The following ITFG1 variants were observed in gnomAD, a reference collection of about 807,000 sequenced individuals.
ITFG1 encodes the protein integrin alpha FG-GAP repeat containing 1, also known as T-cell immunomodulatory protein.
Under a neutral mutation model 81.8 loss-of-function variants are expected in ITFG1, and 34 were observed. The observed-to-expected ratio is 0.42, with a 90% CI of 0.32 to 0.55. The LOEUF is 0.55. Among genes scored for constraint, ITFG1 ranks in the 20% least tolerant of loss-of-function variants. ITFG1 has a pLI of 0.17. For synonymous variants in ITFG1, 285 were observed against 270.6 expected (o/e 1.05, Z -0.52); for missense variants, 672 against 755.4 (o/e 0.89, Z 1.29).
chr16:47,181,458 G>T (rs1452831094), intron 14 of ITFG1, among the ~76,000 whole-genome samples: 1 of 145,496 alleles, frequency 6.9e-6, no homozygotes, highest in South Asian at 2.2e-4. Flanking sequence ...GGTGGGGGGG[G>T]TCAGCCCCCC....
At chr16:47,431,354 A>G (rs1480720239) in intron 5 of ITFG1, among the ~76,000 whole-genome samples, 2 of 152,124 alleles carry the variant, frequency 1.3e-5, no homozygotes, top group Admixed American at 6.5e-5. Context: ...TTCTCAAAGG[A>G]CTGCGAACCC....
intron 6 of ITFG1, among the ~76,000 whole-genome samples, chr16:47,403,381 G>C (rs1968687144): frequency 6.6e-6 from 1 of 151,892 alleles, no homozygotes; most frequent in African/African-American, 2.4e-5. Flanking sequence ...AAGTGTCCTG[G>C]ACTCTTCAAA....
chr16:47,366,005 C>A (rs1177180858), intron 7 of ITFG1, 136 bp from the exon 8 acceptor site: 3 of 533,180 alleles, frequency 5.6e-6, no homozygotes, highest in East Asian at 5.7e-5. Context: ...TTATTCCAAT[C>A]TCCTGTTTCA....
chr16:47,348,717 A>G (rs1967899594), intron 8 of ITFG1, among the ~76,000 whole-genome samples: 1 of 152,156 alleles, frequency 6.6e-6, no homozygotes, highest in Non-Finnish European at 1.5e-5. Context: ...GAACACCACA[A>G]AGATACTCCT....
chr16:47,440,068 A>G (rs1042951486), intron 5 of ITFG1, among the ~76,000 whole-genome samples: 2 of 152,168 alleles, frequency 1.3e-5, no homozygotes, highest in Admixed American at 6.5e-5. Context: ...TTAAACCAAC[A>G]AAGATCAAAA....
At chr16:47,290,059 T>C (rs1029873946) in intron 10 of ITFG1, among the ~76,000 whole-genome samples, 2 of 152,208 alleles carry the variant, frequency 1.3e-5, no homozygotes, top group African/African-American at 2.4e-5. Flanking sequence ...AGATACCTTC[T>C]TCATCTCTTC....
At position 47,313,764 on chromosome 16, in the gene ITFG1, T is replaced by G; in HGVS notation, c.862A>C (p.Ser288Arg). The change falls in exon 9 of 18, where the codon AGT becomes CGT. Residue 288 changes from serine (S) to arginine (R), a missense_variant. Coordinates refer to ENST00000320640, the MANE Select transcript of ITFG1 (RefSeq NM_030790.5). Reference protein sequence around the residue: ...PGCEDKNCQKSTIYLVRSGMK... With the variant: ...PGCEDKNCQKRTIYLVRSGMK... The stretch of plus-strand genomic sequence containing the variant: ...CCAGATCTCACTAAGTAGATGGTAC[T>G]CTTTTGGCAATTTTTATCTTCACAG... 3.7e-6 allele frequency: 6 copies of G among 1,609,054 alleles called. No homozygotes were observed. The highest frequency in any genetic ancestry group is 5.1e-6 in the Non-Finnish European group (6 of 1,176,720).
intron 4 of ITFG1, among the ~76,000 whole-genome samples, chr16:47,451,973 G>T (rs184474584): frequency 7.1e-4 from 108 of 152,260 alleles, no homozygotes; most frequent in Non-Finnish European, 1.2e-3. Context: ...GGGCTTAGGA[G>T]AAATAACCTA....
intron 5 of ITFG1, among the ~76,000 whole-genome samples, chr16:47,439,257 C>A (rs1487496319): frequency 6.6e-6 from 1 of 152,154 alleles, no homozygotes; most frequent in Non-Finnish European, 1.5e-5. Flanking sequence ...TTGGAAAACA[C>A]CCTGCAGGAT....
upstream of ITFG1, chr16:47,461,106 C>G: frequency 7.0e-7 from 1 of 1,423,520 alleles, no homozygotes; most frequent in Non-Finnish European, 9.3e-7. Flanking sequence ...CCGCAAAGCA[C>G]CGCGTTACCG....
intron 14 of ITFG1, among the ~76,000 whole-genome samples, chr16:47,191,039 C>T (rs563921936): frequency 7.9e-5 from 12 of 152,206 alleles, no homozygotes; most frequent in Non-Finnish European, 1.6e-4. Context: ...GGGTCATGTT[C>T]GCTGATGTCT....
chr16:47,221,092 G>GT (rs1169526654), intron 13 of ITFG1, among the ~76,000 whole-genome samples: 5 of 152,096 alleles, frequency 3.3e-5, no homozygotes, highest in Non-Finnish European at 4.4e-5. Flanking sequence ...GGCAGAACAG[G>GT]TTTAGAGCTC....
At chr16:47,261,963 A>G (rs1966213453) in intron 10 of ITFG1, among the ~76,000 whole-genome samples, 3 of 152,360 alleles carry the variant, frequency 2.0e-5, no homozygotes, top group East Asian at 3.9e-4. Flanking sequence ...GTGAGACACC[A>G]TGTCTGCCCT....
chr16:47,446,094 C>T (rs1158554911), intron 5 of ITFG1, among the ~76,000 whole-genome samples: 1 of 152,100 alleles, frequency 6.6e-6, no homozygotes, highest in East Asian at 1.9e-4. Context: ...AAGTGCCAAC[C>T]CCAGACTTAC....
At chr16:47,156,911 T>C (rs1170201271) in intron 17 of ITFG1, among the ~76,000 whole-genome samples, 1 of 152,004 alleles carries the variant, frequency 6.6e-6, no homozygotes, top group Non-Finnish European at 1.5e-5. Flanking sequence ...GGGAGTGACA[T>C]GATGAAGGCT....
chr16:47,372,458 T>C (rs1048554153), intron 7 of ITFG1, among the ~76,000 whole-genome samples: 3 of 151,472 alleles, frequency 2.0e-5, no homozygotes, highest in African/African-American at 7.3e-5. Context: ...TTTCTCTCTT[T>C]TTTTTTTTTT....
intron 6 of ITFG1, among the ~76,000 whole-genome samples, chr16:47,417,325 T>C (rs1020769776): frequency 5.9e-5 from 9 of 152,252 alleles, no homozygotes; most frequent in African/African-American, 1.9e-4. Flanking sequence ...CTCTCATACA[T>C]GTGTATAATA....
chr16:47,169,203 T>G (rs1258960885), intron 14 of ITFG1, among the ~76,000 whole-genome samples: 1 of 152,178 alleles, frequency 6.6e-6, no homozygotes, highest in Admixed American at 6.5e-5. Context: ...GTTTTGGCTT[T>G]TTGAGGCCCC....
chr16:47,312,523 G>C (rs547480369), intron 9 of ITFG1: 1 of 152,054 alleles, frequency 6.6e-6, no homozygotes, highest in Non-Finnish European at 1.5e-5. Flanking sequence ...TAAAAAAAAA[G>C]GTATGCATCT....
Sources: gnomAD v4.1 joint callset for allele counts (sites outside exome capture counted in the v4.1 genomes callset) on GRCh38, gnomAD v4.1.1 for gene constraint, MANE v1.5 for transcripts, NCBI Gene and HGNC (gene_info 2026-07-23, HGNC 2026-07-21) for gene names.